DRC1: variants seen among roughly 807,000 people sequenced by gnomAD.
The protein encoded by DRC1 is dynein regulatory complex protein 1.
In DRC1, 74 loss-of-function variants were observed where a neutral mutation model predicts 98.7. The ratio of observed to expected loss-of-function variants is 0.75; its 90% CI spans 0.62 to 0.91. The LOEUF (loss-of-function observed/expected upper bound fraction) is 0.91. DRC1 is among the 40% of genes least tolerant of loss of function. The probability of loss-of-function intolerance (pLI) is 0.00; values close to 1 mark genes in which losing one functional copy is unlikely to be tolerated. For missense variants in DRC1, 875 were observed against 886.0 expected, an observed-to-expected ratio of 0.99 and a Z score of 0.16; for synonymous variants, 336 against 334.1, an observed-to-expected ratio of 1.01 and a Z score of -0.06.
At chr2:26,404,055 G>A (rs182716971) in intron 1 of DRC1, among the ~76,000 whole-genome samples, 3,913 of 151,622 alleles carry the variant, frequency 0.026, 141 homozygotes, top group African/African-American at 0.082. Flanking sequence ...AGCTGAGATC[G>A]TGCCATTGCA....
At chr2:26,442,204 G>C (rs1663735480) in intron 8 of DRC1, among the ~76,000 whole-genome samples, 1 of 152,130 alleles carries the variant, frequency 6.6e-6, no homozygotes, top group South Asian at 2.1e-4. Context: ...GATGGAGGAG[G>C]CCTTATGGCC....
chr2:26,430,946 G>A, intron 6 of DRC1, 74 bp downstream of exon 6: 1 of 886,888 alleles, frequency 1.1e-6, no homozygotes, highest in Non-Finnish European at 1.7e-6. Context: ...TTGCTAGCTA[G>A]CCTTTTTCTA....
chr2:26,441,737 A>G (rs898931161), intron 8 of DRC1, among the ~76,000 whole-genome samples: 1 of 152,090 alleles, frequency 6.6e-6, no homozygotes, highest in Non-Finnish European at 1.5e-5. Context: ...AGGCGGGAGG[A>G]GGCGCTTGAG....
At chr2:26,412,890 C>G (rs1241004636) in intron 1 of DRC1, among the ~76,000 whole-genome samples, 1 of 152,192 alleles carries the variant, frequency 6.6e-6, no homozygotes, top group Non-Finnish European at 1.5e-5. Context: ...TCACGCCATT[C>G]TCCTGCCTCA....
intron 2 of DRC1, among the ~76,000 whole-genome samples, chr2:26,417,788 A>C (rs568518796): frequency 6.6e-6 from 1 of 152,298 alleles, no homozygotes; most frequent in East Asian, 1.9e-4. Context: ...TCAGGTTATA[A>C]TGGTTCGTGG....
intron 11 of DRC1, among the ~76,000 whole-genome samples, chr2:26,449,778 T>C (rs907381419): frequency 1.3e-5 from 2 of 152,144 alleles, no homozygotes; most frequent in African/African-American, 4.8e-5. Flanking sequence ...GGATGGGCTT[T>C]GTCCCTGGCC....
chr2:26,404,375 G>A (rs1678353216), intron 1 of DRC1, among the ~76,000 whole-genome samples: 1 of 152,150 alleles, frequency 6.6e-6, no homozygotes, highest in Admixed American at 6.5e-5. Flanking sequence ...TCCTGATTGA[G>A]GTAGAAAAGC....
At chr2:26,415,242 G>A (rs1197662443) in intron 2 of DRC1, among the ~76,000 whole-genome samples, 1 of 152,166 alleles carries the variant, frequency 6.6e-6, no homozygotes, top group Non-Finnish European at 1.5e-5. Flanking sequence ...CAGCAGACCA[G>A]AACTGGCAAA....
intron 14 of DRC1, 114 bp downstream of exon 14, chr2:26,453,663 A>G (rs1451838862): frequency 1.8e-6 from 2 of 1,094,850 alleles, no homozygotes; most frequent in Non-Finnish European, 2.6e-6. Flanking sequence ...AGATGCGGGG[A>G]CTAAGGACAG....
At chr2:26,449,878 C>A in intron 11 of DRC1, 118 bp from the exon 12 acceptor site, 1 of 860,736 alleles carries the variant, frequency 1.2e-6, no homozygotes, top group Non-Finnish European at 1.8e-6. Flanking sequence ...GGCTCCCATC[C>A]CTGGGCGTCT....
At chr2:26,438,472 G>A (rs1372016955) in intron 7 of DRC1, among the ~76,000 whole-genome samples, 1 of 152,122 alleles carries the variant, frequency 6.6e-6, no homozygotes. Context: ...GATTAGTTAT[G>A]ATCTCAGGGA....
chr2:26,450,173 T>A, intron 12 of DRC1, 88 bp downstream of exon 12: 1 of 1,284,916 alleles, frequency 7.8e-7, no homozygotes, highest in Non-Finnish European at 1.1e-6. Context: ...ACCCTGGCAG[T>A]GGACGAGGGT....
rs534058037 is a variant in DRC1 at position 26,447,399 on chromosome 2, C to A, written c.1397-1292C>A. Among the ~76,000 whole-genome samples the A allele has an allele frequency of 3.1e-3, 476 of 152,050 alleles. 4 individuals are homozygous for A. Among genetic ancestry groups the A allele is most frequent in the Middle Eastern group, 6.8e-3 (2 of 294 alleles). ...CTGCACTGCAGCCTGGGTGACAGAGCGAGACTCTGTCTCAATAAATAAACA... is the reference window on the plus strand; with the variant it reads ...CTGCACTGCAGCCTGGGTGACAGAGAGAGACTCTGTCTCAATAAATAAACA... On this transcript the variant is annotated intron_variant, in intron 10 of 16. Transcript: ENST00000288710.
intron 1 of DRC1, among the ~76,000 whole-genome samples, chr2:26,410,106 T>C (rs1304382517): frequency 6.7e-6 from 1 of 149,164 alleles, no homozygotes. Flanking sequence ...CTAAAAGGAG[T>C]GTTCAGAGAA....
chr2:26,429,856 C>G, intron 5 of DRC1, 91 bp downstream of exon 5: 1 of 1,362,528 alleles, frequency 7.3e-7, no homozygotes, highest in Non-Finnish European at 1.0e-6. Flanking sequence ...GAGGGCCCTA[C>G]ATGACTTCTC....
chr2:26,454,840 A>G lies in DRC1; in HGVS notation c.2063+50A>G. On this transcript the variant is annotated intron_variant, in intron 15 of 16. Coordinates refer to ENST00000288710, the MANE Select transcript of DRC1 (RefSeq NM_145038.5). The surrounding 1 kb of genome is among the most constrained non-coding windows in gnomAD (Gnocchi z 5.2). Reference sequence around the variant, plus strand: ...GAGGGTGCTGGCGGGCAGGTGAGGAACGGTTGTTGGGAGCAGCCGCGTTTG... The same window carrying G: ...GAGGGTGCTGGCGGGCAGGTGAGGAGCGGTTGTTGGGAGCAGCCGCGTTTG... 6.2e-7 allele frequency: 1 copy of G among 1,611,248 alleles called. No individual in the cohort carries two copies. The highest frequency in any genetic ancestry group is 1.1e-5 in the South Asian group (1 of 90,882).
At chr2:26,437,485 G>C (rs998472162) in intron 7 of DRC1, among the ~76,000 whole-genome samples, 1 of 152,246 alleles carries the variant, frequency 6.6e-6, no homozygotes, top group African/African-American at 2.4e-5. Flanking sequence ...TGCCCGGCAC[G>C]ATGCTCAGTG....
intron 8 of DRC1, among the ~76,000 whole-genome samples, 195 bp downstream of exon 8, chr2:26,440,712 C>T (rs538473460): frequency 1.3e-5 from 2 of 152,312 alleles, no homozygotes; most frequent in Admixed American, 6.5e-5. Flanking sequence ...CTTCCGTCCC[C>T]ATTCATCTTG....
chr2:26,403,795 CAAAAAA>C (rs397870483), intron 1 of DRC1, among the ~76,000 whole-genome samples: 1 of 77,278 alleles, frequency 1.3e-5, no homozygotes, highest in African/African-American at 5.8e-5. Context: ...AACTCCATCT[CAAAAAA>C]AAAAAAAAAA....
Sources: allele counts gnomAD v4.1 joint callset (sites outside exome capture counted in the v4.1 genomes callset), GRCh38; gene constraint gnomAD v4.1.1; non-coding constraint Gnocchi (gnomAD v3.1); transcripts MANE v1.5; gene names NCBI Gene and HGNC (gene_info 2026-07-23, HGNC 2026-07-21).